DMD: variants seen among roughly 807,000 people sequenced by gnomAD.
The protein encoded by DMD is dystrophin.
Under a neutral mutation model 330.1 loss-of-function variants are expected in DMD, and 63 were observed. That is an observed-to-expected ratio of 0.19 (90% CI 0.16 to 0.24). DMD has a LOEUF of 0.24. Among genes scored for constraint, DMD ranks in the 10% least tolerant of loss-of-function variants. DMD has a pLI of 1.00. For missense variants in DMD, 3,344 were observed against 2,684.1 expected (o/e 1.25, Z -5.43); for synonymous variants, 1,223 against 959.8 (o/e 1.27, Z -5.07).
chrX:32,333,395 T>C lies in DMD; in HGVS notation c.5922+8705A>G, dbSNP rs2097690423. ...TCTAGGTTCCTACGTGGATGTTCTT[T>C]CATTGTTTTTGAAAATATTATTCTA... On this transcript the variant is annotated intron_variant, in intron 41 of 78. Coordinates refer to ENST00000357033, the MANE Select transcript of DMD (RefSeq NM_004006.3). Among the ~76,000 whole-genome samples the C allele has an allele frequency of 3.6e-5, 4 of 111,133 alleles. No individual in the cohort carries two copies. In the South Asian group the frequency reaches 1.5e-3, roughly 43 times the overall value.
intron 44 of DMD, among the ~76,000 whole-genome samples, chrX:32,045,617 T>A (rs2096059359): frequency 9.0e-6 from 1 of 111,489 alleles, no homozygotes; most frequent in Admixed American, 9.6e-5. Context: ...TCCTTGATAC[T>A]CTTGTTTTTC....
chrX:32,990,977 A>T (rs941824995), intron 2 of DMD, among the ~76,000 whole-genome samples: 2 of 111,484 alleles, frequency 1.8e-5, no homozygotes, highest in South Asian at 3.7e-4. Context: ...GTATTCCGTA[A>T]TCAGACAACC....
intron 4 of DMD, among the ~76,000 whole-genome samples, chrX:32,836,984 G>C (rs1263995155): frequency 9.0e-6 from 1 of 111,339 alleles, no homozygotes; most frequent in African/African-American, 3.3e-5. Context: ...GGCTCTGGTT[G>C]TCTCCAGAAG....
chrX:31,769,432 T>C (rs926736541), intron 51 of DMD, among the ~76,000 whole-genome samples: 3 of 112,094 alleles, frequency 2.7e-5, no homozygotes, highest in African/African-American at 9.7e-5. Flanking sequence ...ATTTCAGGTA[T>C]TGGTATATGA....
chrX:31,199,034 G>A (rs944475171), intron 67 of DMD, among the ~76,000 whole-genome samples: 1 of 111,961 alleles, frequency 8.9e-6, no homozygotes, highest in African/African-American at 3.3e-5. Context: ...ATAACATGAT[G>A]TAAATTGCAC....
At chrX:31,690,989 G>T (rs1188776446) in intron 52 of DMD, among the ~76,000 whole-genome samples, 1 of 110,041 alleles carries the variant, frequency 9.1e-6, no homozygotes, top group Non-Finnish European at 1.9e-5. Context: ...GACGGGGGAG[G>T]GATAGCATTG....
chrX:32,616,102 T>C (rs1424174714), intron 11 of DMD, among the ~76,000 whole-genome samples: 2 of 111,038 alleles, frequency 1.8e-5, no homozygotes, highest in Admixed American at 9.6e-5. Flanking sequence ...ACTGGGGTTT[T>C]TGAAAGACCA....
chrX:32,972,070 A>T lies in DMD; in HGVS notation c.93+48069T>A, dbSNP rs2092401410. Among the ~76,000 whole-genome samples the T allele has an allele frequency of 2.7e-5, 3 of 112,262 alleles. No individual in the cohort carries two copies. In the South Asian group the frequency reaches 1.1e-3, roughly 42 times the overall value. On this transcript the variant is annotated intron_variant, in intron 2 of 78. Coordinates refer to ENST00000357033, the MANE Select transcript of DMD (RefSeq NM_004006.3). ...TCAGGGGCCTGAATTACAGTTTGCTACAGATACAATACATCCGCACTTAGC... is the reference window on the plus strand; with the variant it reads ...TCAGGGGCCTGAATTACAGTTTGCTTCAGATACAATACATCCGCACTTAGC...
intron 1 of DMD, among the ~76,000 whole-genome samples, chrX:33,306,496 T>C (rs1420233105): frequency 9.0e-6 from 1 of 110,754 alleles, no homozygotes; most frequent in Non-Finnish European, 1.9e-5. Flanking sequence ...TTGCTAAATG[T>C]ATAGAGGGAA....
At chrX:31,951,884 A>C (rs971056510) in intron 45 of DMD, among the ~76,000 whole-genome samples, 22 of 111,337 alleles carry the variant, frequency 2.0e-4, no homozygotes, top group Non-Finnish European at 3.8e-4. Flanking sequence ...TTTTCTTGTA[A>C]GTCAGGTCAG....
chrX:31,719,125 C>T (rs1057374197), intron 52 of DMD, among the ~76,000 whole-genome samples: 3 of 111,556 alleles, frequency 2.7e-5, no homozygotes, highest in Non-Finnish European at 5.6e-5. Context: ...TTCCTGACTT[C>T]TAGTTTTATA....
chrX:31,808,223 G>A (rs2092352474), intron 50 of DMD, among the ~76,000 whole-genome samples: 1 of 111,639 alleles, frequency 9.0e-6, no homozygotes, highest in Non-Finnish European at 1.9e-5. Flanking sequence ...CAAACTGTGA[G>A]ACCTTAGAGA....
intron 13 of DMD, among the ~76,000 whole-genome samples, chrX:32,583,332 C>A (rs1448570610): frequency 1.8e-5 from 2 of 110,832 alleles, no homozygotes; most frequent in South Asian, 7.7e-4. Context: ...CCTGTCTCTA[C>A]TCAAAATACA....
intron 34 of DMD, among the ~76,000 whole-genome samples, chrX:32,367,968 G>C (rs1356643727): frequency 8.9e-6 from 1 of 111,884 alleles, no homozygotes; most frequent in Non-Finnish European, 1.9e-5. Flanking sequence ...TAAGGAACCA[G>C]TATTCAATCA....
At chrX:32,926,782 C>A (rs1197557736) in intron 2 of DMD, among the ~76,000 whole-genome samples, 3 of 105,884 alleles carry the variant, frequency 2.8e-5, no homozygotes, top group African/African-American at 1.0e-4. Context: ...GTTCTTCCTA[C>A]AAAAAAATAA....
chrX:31,891,884 G>C (rs1382078942), intron 47 of DMD, among the ~76,000 whole-genome samples: 1 of 111,935 alleles, frequency 8.9e-6, no homozygotes, highest in East Asian at 2.8e-4. Context: ...GCAGTACAGG[G>C]CTTCAATGTA....
intron 63 of DMD, among the ~76,000 whole-genome samples, chrX:31,247,655 T>C (rs2048967336): frequency 9.2e-6 from 1 of 109,252 alleles, no homozygotes; most frequent in Non-Finnish European, 1.9e-5. Flanking sequence ...ATTAAGAACA[T>C]TTGTGATTGA....
chrX:33,199,276 A>T (rs886452200), intron 1 of DMD, among the ~76,000 whole-genome samples: 2 of 111,232 alleles, frequency 1.8e-5, no homozygotes, highest in Admixed American at 1.9e-4. Context: ...TTGCGCTAGG[A>T]TGATGGTAGA....
At chrX:33,237,999 C>T (rs190826514) in intron 1 of DMD, among the ~76,000 whole-genome samples, 11 of 112,156 alleles carry the variant, frequency 9.8e-5, no homozygotes, top group African/African-American at 3.2e-4. Flanking sequence ...AATTAACCTC[C>T]CTGTCACTTC....
Sources: gnomAD v4.1 joint callset for allele counts (sites outside exome capture counted in the v4.1 genomes callset) on GRCh38, gnomAD v4.1.1 for gene constraint, MANE v1.5 for transcripts, NCBI Gene and HGNC (gene_info 2026-07-23, HGNC 2026-07-21) for gene names.